The following MEMO1 variants were observed in gnomAD, a reference collection of about 807,000 sequenced individuals.
MEMO1 encodes mediator of cell motility 1, also known as protein MEMO1.
In MEMO1, 6 loss-of-function variants were observed where a neutral mutation model predicts 45.2. The observed-to-expected ratio is 0.13, with a 90% confidence interval of 0.07 to 0.26. The LOEUF is 0.26. Among genes scored for constraint, MEMO1 ranks in the 10% least tolerant of loss-of-function variants. The pLI, the probability that MEMO1 is intolerant of heterozygous loss-of-function variation, is 1.00. For synonymous variants in MEMO1, 78 were observed against 124.3 expected (o/e 0.63, Z 2.48); for missense variants, 184 against 370.5 (o/e 0.50, Z 4.13).
chr2:31,964,885 T>C (rs923194063), intron 2 of MEMO1, among the ~76,000 whole-genome samples: 17 of 152,056 alleles, frequency 1.1e-4, no homozygotes, highest in African/African-American at 4.1e-4. Context: ...TTCAAGTTTC[T>C]TTTAGAGCTA....
At chr2:31,939,609 A>G (rs1246120822) in intron 3 of MEMO1, among the ~76,000 whole-genome samples, 1 of 152,200 alleles carries the variant, frequency 6.6e-6, no homozygotes, top group East Asian at 1.9e-4. Context: ...AAATACCAGC[A>G]AATTGATGAA....
chr2:31,978,066 C>T (rs1405556192), intron 2 of MEMO1, among the ~76,000 whole-genome samples: 1 of 151,850 alleles, frequency 6.6e-6, no homozygotes, highest in Non-Finnish European at 1.5e-5. Context: ...ACCCAAGGTT[C>T]AGTTTCTTCA....
intron 6 of MEMO1, among the ~76,000 whole-genome samples, chr2:31,898,903 G>T (rs561832954): frequency 2.6e-5 from 4 of 152,066 alleles, no homozygotes; most frequent in Non-Finnish European, 4.4e-5. Context: ...TCCTGTATTG[G>T]GTGCAAATAT....
chr2:31,978,848 T>C (rs1670312657), intron 2 of MEMO1, among the ~76,000 whole-genome samples: 1 of 152,230 alleles, frequency 6.6e-6, no homozygotes, highest in Admixed American at 6.5e-5. Flanking sequence ...TTTACTTCTA[T>C]TATGGCCATC....
At chr2:31,922,591 T>C (rs1479921250) in intron 4 of MEMO1, among the ~76,000 whole-genome samples, 5 of 152,014 alleles carry the variant, frequency 3.3e-5, no homozygotes, top group African/African-American at 1.2e-4. Flanking sequence ...GTAATAAACC[T>C]AGTATTCCAT....
At position 31,971,601 on chromosome 2, in the gene MEMO1, C is replaced by T. The variant is rs189865387; in HGVS notation, c.62-28218G>A. Among the ~76,000 whole-genome samples, 185 of 152,152 alleles carry T rather than the reference C, an allele frequency of 1.2e-3. 1 individual carries two copies. Among genetic ancestry groups the T allele is most frequent in the Admixed American group, 3.4e-3 (52 of 15,264 alleles). The stretch of plus-strand genomic sequence containing the variant: ...GTGTTGCCCAGGCTGAACTAGAACT[C>T]CTAGGCTCAAAAAAACCTTCCACCT... On this transcript the variant is annotated intron_variant, in intron 2 of 9. Transcript: ENST00000404530.
chr2:31,973,219 C>T (rs940433369), intron 2 of MEMO1, among the ~76,000 whole-genome samples: 2 of 152,022 alleles, frequency 1.3e-5, no homozygotes, highest in Admixed American at 1.3e-4. Flanking sequence ...TTTGGGAGGC[C>T]GAGGTGGGTG....
intron 4 of MEMO1, chr2:31,923,405 T>C (rs1027859667): frequency 3.0e-6 from 1 of 333,342 alleles, no homozygotes; most frequent in Admixed American, 4.9e-5. Context: ...GCACTGCTAA[T>C]CCTCACTTCT....
intron 2 of MEMO1, among the ~76,000 whole-genome samples, chr2:31,945,180 G>A (rs1425756421): frequency 6.6e-6 from 1 of 152,072 alleles, no homozygotes; most frequent in African/African-American, 2.4e-5. Flanking sequence ...ACATTGTTTT[G>A]AAAATTACTC....
At chr2:31,967,656 C>G (rs1346859600) in intron 2 of MEMO1, among the ~76,000 whole-genome samples, 1 of 151,978 alleles carries the variant, frequency 6.6e-6, no homozygotes, top group African/African-American at 2.4e-5. Context: ...ATTGTCCAAG[C>G]TGGTCTCAAA....
chr2:31,879,644 A>T (rs1675059699), intron 8 of MEMO1, among the ~76,000 whole-genome samples: 1 of 152,218 alleles, frequency 6.6e-6, no homozygotes, highest in Admixed American at 6.5e-5. Flanking sequence ...ATTTTATTAA[A>T]CACAATCTGG....
chr2:31,896,165 G>A (rs567938331), intron 6 of MEMO1, among the ~76,000 whole-genome samples: 6 of 152,192 alleles, frequency 3.9e-5, no homozygotes, highest in African/African-American at 7.2e-5. Context: ...TGAAAGCAGC[G>A]AGAAGAAAAT....
chr2:31,926,753 A>C (rs1027316674), intron 4 of MEMO1, among the ~76,000 whole-genome samples: 10 of 152,068 alleles, frequency 6.6e-5, no homozygotes, highest in Non-Finnish European at 1.0e-4. Context: ...AGACCGAGGC[A>C]GGAGAATCCC....
chr2:31,982,360 G>A (rs1670743007), intron 2 of MEMO1, among the ~76,000 whole-genome samples: 1 of 151,516 alleles, frequency 6.6e-6, no homozygotes, highest in Admixed American at 6.6e-5. Context: ...GGGAGGCCGA[G>A]GCGGGCAGAT....
chr2:31,945,921 T>C (rs891090483), intron 2 of MEMO1, among the ~76,000 whole-genome samples: 4 of 152,346 alleles, frequency 2.6e-5, no homozygotes, highest in Admixed American at 2.6e-4. Flanking sequence ...TTACTATTTA[T>C]CTTGAGAACA....
At chr2:31,919,212 G>T (rs1163516991) in intron 5 of MEMO1, among the ~76,000 whole-genome samples, 1 of 151,836 alleles carries the variant, frequency 6.6e-6, no homozygotes, top group Non-Finnish European at 1.5e-5. Context: ...ACAGCAAAAT[G>T]ATTTCAGCTC....
chr2:31,888,504 AC>A (rs1676501642), intron 7 of MEMO1, among the ~76,000 whole-genome samples: 1 of 152,096 alleles, frequency 6.6e-6, no homozygotes, highest in Non-Finnish European at 1.5e-5. Context: ...TGAAAATTCT[AC>A]TAACTGAAAA....
At chr2:31,984,052 C>T (rs1217059937) in intron 2 of MEMO1, among the ~76,000 whole-genome samples, 1 of 152,138 alleles carries the variant, frequency 6.6e-6, no homozygotes, top group African/African-American at 2.4e-5. Flanking sequence ...GGGGCAGAGA[C>T]AAATCTTCCT....
intron 7 of MEMO1, among the ~76,000 whole-genome samples, chr2:31,890,319 A>C (rs1676780675): frequency 6.6e-6 from 1 of 152,170 alleles, no homozygotes; most frequent in African/African-American, 2.4e-5. Flanking sequence ...GAGGTGTGGG[A>C]CACTTGCTTC....
Sources: gnomAD v4.1 joint callset for allele counts (sites outside exome capture counted in the v4.1 genomes callset) on GRCh38, gnomAD v4.1.1 for gene constraint, MANE v1.5 for transcripts, NCBI Gene and HGNC (gene_info 2026-07-23, HGNC 2026-07-21) for gene names.